Variants in TPRG1 observed in about 807,000 individuals in gnomAD.
The protein encoded by TPRG1 is tumor protein p63-regulated gene 1 protein.
Under a neutral mutation model 29.3 loss-of-function variants are expected in TPRG1, and 29 were observed. That is an observed-to-expected ratio of 0.99 (90% CI 0.74 to 1.35). TPRG1 has a LOEUF of 1.35. TPRG1 is among the 40% of genes most tolerant of loss of function. The pLI is 0.00. For synonymous variants in TPRG1, 130 were observed against 116.8 expected, an observed-to-expected ratio of 1.11 and a Z score of -0.73; for missense variants, 327 against 335.0, an observed-to-expected ratio of 0.98 and a Z score of 0.19.
At chr3:189,245,030 C>T (rs1019800739) in intron 4 of TPRG1, among the ~76,000 whole-genome samples, 4 of 152,150 alleles carry the variant, frequency 2.6e-5, no homozygotes, top group Non-Finnish European at 5.9e-5. Flanking sequence ...AAGCGATTCT[C>T]CTGCCTCAGC....
At chr3:189,274,831 CCA>C (rs988351925) in intron 4 of TPRG1, among the ~76,000 whole-genome samples, 1 of 151,504 alleles carries the variant, frequency 6.6e-6, no homozygotes, top group Non-Finnish European at 1.5e-5. Context: ...CAGTTAATTC[CCA>C]CCTTAAATTG....
intron 3 of TPRG1, among the ~76,000 whole-genome samples, chr3:189,235,481 G>A (rs761202180): frequency 1.6e-4 from 24 of 152,014 alleles, no homozygotes; most frequent in Non-Finnish European, 3.2e-4. Flanking sequence ...GAGGAAATAC[G>A]GTGAGTCTGA....
In TPRG1 at chr3:189,217,874, T is replaced by C. The variant is rs922197790; in HGVS notation, c.302+2491T>C. On this transcript the variant is annotated intron_variant, in intron 3 of 5. Coordinates refer to ENST00000345063, the MANE Select transcript of TPRG1 (RefSeq NM_198485.4). ...TTTTTGTTTGTTTGTTTGAAAATTCTAGCACACCAAGGCAGGGAAAGGCAA... is the reference window on the plus strand; with the variant it reads ...TTTTTGTTTGTTTGTTTGAAAATTCCAGCACACCAAGGCAGGGAAAGGCAA... 3 of 985,306 alleles carry C rather than the reference T, an allele frequency of 3.0e-6. No individual in the cohort carries two copies. The African/African-American group carries it at 5.2e-5, about 17-fold the overall frequency. 61.0% of individuals were successfully genotyped at this position (985,306 alleles called of 1,614,324 possible). A position where few individuals can be genotyped will look rare whatever the true frequency, so the allele number is the denominator to read the frequency against.
intron 3 of TPRG1, among the ~76,000 whole-genome samples, chr3:189,229,064 CAT>C (rs1214592234): frequency 6.6e-6 from 1 of 152,104 alleles, no homozygotes; most frequent in Non-Finnish European, 1.5e-5. Flanking sequence ...ATCGCACAAA[CAT>C]GTATAGGACT....
chr3:189,190,837 C>A (rs1424007598), intron 1 of TPRG1: 1 of 315,810 alleles, frequency 3.2e-6, no homozygotes, highest in Non-Finnish European at 4.6e-6. Flanking sequence ...ATTAATCTTT[C>A]CCTGATCCAT....
At chr3:189,099,170 C>T (rs946999096), upstream of TPRG1, among the ~76,000 whole-genome samples, 22 of 152,080 alleles carry the variant, frequency 1.4e-4, no homozygotes, top group African/African-American at 4.6e-4. Context: ...TCCCCACAAG[C>T]GGCGCTCCCC....
intron 4 of TPRG1, among the ~76,000 whole-genome samples, chr3:189,299,779 C>T (rs1720550943): frequency 1.3e-5 from 2 of 152,084 alleles, no homozygotes; most frequent in African/African-American, 2.4e-5. Context: ...GATGATGTAA[C>T]ATTAGTATAT....
At chr3:189,304,156 T>G (rs889481453) in intron 4 of TPRG1, among the ~76,000 whole-genome samples, 4 of 151,324 alleles carry the variant, frequency 2.6e-5, no homozygotes, top group Non-Finnish European at 5.9e-5. Context: ...ACACAAATTA[T>G]TCTGGTCTTT....
intron 3 of TPRG1, among the ~76,000 whole-genome samples, chr3:189,013,486 T>G (rs1712724371): frequency 1.3e-5 from 2 of 152,178 alleles, no homozygotes; most frequent in Non-Finnish European, 2.9e-5. Context: ...ATAAGAAGAA[T>G]GTATATTCTG....
intron 3 of TPRG1, among the ~76,000 whole-genome samples, chr3:189,221,981 T>TC (rs1470776588): frequency 6.6e-6 from 1 of 152,048 alleles, no homozygotes; most frequent in Admixed American, 6.5e-5. Context: ...ATTTTTTTTT[T>TC]TCATCTCCCA....
intron 1 of TPRG1, among the ~76,000 whole-genome samples, chr3:189,176,807 TG>T (rs1729545586): frequency 6.6e-6 from 1 of 152,208 alleles, no homozygotes; most frequent in South Asian, 2.1e-4. Flanking sequence ...CTTTGGATTT[TG>T]GGAGATGAAG....
chr3:189,292,209 T>C (rs930755362), intron 4 of TPRG1, among the ~76,000 whole-genome samples: 4 of 152,116 alleles, frequency 2.6e-5, no homozygotes, highest in African/African-American at 7.2e-5. Flanking sequence ...AGTTAAAACT[T>C]CTGCAGTTGC....
At chr3:189,275,563 T>C (rs919090802) in intron 4 of TPRG1, among the ~76,000 whole-genome samples, 1 of 152,090 alleles carries the variant, frequency 6.6e-6, no homozygotes, top group Non-Finnish European at 1.5e-5. Context: ...GGAGAAGGTA[T>C]AGCAAGAATA....
rs557692186 is a variant in TPRG1, at chr3:189,266,893, T to C, written c.479+27984T>C. On this transcript the variant is annotated intron_variant, in intron 4 of 5. Coordinates refer to ENST00000345063, the MANE Select transcript of TPRG1 (RefSeq NM_198485.4). ...ATGCATTTTCCTTGTGTTTTTTTTT[T>C]CCCCTTTATGCTAACTTGGATATTG... 1.1e-3 allele frequency among the ~76,000 whole-genome samples: 165 copies of C among 152,150 alleles called. 1 individual carries two copies. Among genetic ancestry groups the C allele is most frequent in the Non-Finnish European group, 1.4e-3 (95 of 68,002 alleles).
intron 4 of TPRG1, among the ~76,000 whole-genome samples, chr3:189,036,570 C>T (rs1032880880): frequency 8.6e-5 from 13 of 151,922 alleles, no homozygotes; most frequent in African/African-American, 3.1e-4. Flanking sequence ...ATAATGCTAT[C>T]CCAGACAAAG....
chr3:189,209,006 T>C (rs1032794390), intron 2 of TPRG1, among the ~76,000 whole-genome samples: 4 of 152,174 alleles, frequency 2.6e-5, no homozygotes, highest in Admixed American at 1.3e-4. Flanking sequence ...TAGGAAAAAA[T>C]TGCATGGACA....
chr3:189,186,985 G>GGTTT (rs746009750), intron 1 of TPRG1, among the ~76,000 whole-genome samples: 1 of 88,950 alleles, frequency 1.1e-5, no homozygotes, highest in African/African-American at 4.4e-5. Flanking sequence ...CATCTAAAGT[G>GGTTT]TTTTTTTTTT....
At chr3:189,086,176 C>G (rs1717921972) in intron 4 of TPRG1, among the ~76,000 whole-genome samples, 1 of 152,082 alleles carries the variant, frequency 6.6e-6, no homozygotes, top group African/African-American at 2.4e-5. Context: ...AACTAGGAGT[C>G]TGATGTTCAA....
chr3:189,121,988 T>C (rs1333242975), intron 1 of TPRG1: 1 of 152,030 alleles, frequency 6.6e-6, no homozygotes, highest in Non-Finnish European at 1.5e-5. Context: ...ATCTAGTATT[T>C]ATATACAATT....
Sources: allele counts gnomAD v4.1 joint callset (sites outside exome capture counted in the v4.1 genomes callset), GRCh38; gene constraint gnomAD v4.1.1; transcripts MANE v1.5; gene names NCBI Gene and HGNC (gene_info 2026-07-23, HGNC 2026-07-21).